NELL1: variants seen among roughly 807,000 people sequenced by gnomAD.
NELL1 encodes protein kinase C-binding protein NELL1.
A neutral mutation model predicts 107.4 loss-of-function variants in NELL1; 76 were observed. The ratio of observed to expected loss-of-function variants is 0.71; its 90% CI spans 0.59 to 0.86. The LOEUF is 0.86. Among genes scored for constraint, NELL1 ranks in the 40% least tolerant of loss-of-function variants. The probability of loss-of-function intolerance (pLI) is 0.00; values close to 1 mark genes in which losing one functional copy is unlikely to be tolerated. For synonymous variants in NELL1, 353 were observed against 341.2 expected (o/e 1.03, Z -0.38); for missense variants, 1,024 against 1,005.5 (o/e 1.02, Z -0.25).
At chr11:20,742,079 A>G (rs929592339) in intron 2 of NELL1, among the ~76,000 whole-genome samples, 5 of 152,330 alleles carry the variant, frequency 3.3e-5, no homozygotes, top group African/African-American at 1.2e-4. Context: ...TGTTATTACT[A>G]GCTGGGGCTT....
At chr11:21,292,909 T>G (rs6483759) in intron 14 of NELL1, among the ~76,000 whole-genome samples, 134,134 of 152,098 alleles carry the variant, frequency 0.88, 59,860 homozygotes, top group Non-Finnish European at 0.95. Flanking sequence ...ACCCCTTCCT[T>G]ACACCTTATA....
intron 2 of NELL1, among the ~76,000 whole-genome samples, chr11:20,755,053 A>G (rs1456129228): frequency 4.6e-5 from 7 of 152,154 alleles, no homozygotes; most frequent in African/African-American, 7.2e-5. Context: ...AGCCACATAC[A>G]TGTACATATC....
chr11:21,559,392 A>C (rs909928017), intron 16 of NELL1, among the ~76,000 whole-genome samples: 4 of 152,104 alleles, frequency 2.6e-5, no homozygotes, highest in African/African-American at 9.7e-5. Flanking sequence ...GGAAGGACTT[A>C]AGCCAGGGTT....
chr11:20,699,682 G>A (rs1167931274), intron 2 of NELL1, among the ~76,000 whole-genome samples: 2 of 152,166 alleles, frequency 1.3e-5, no homozygotes, highest in African/African-American at 2.4e-5. Context: ...TCTACTCATT[G>A]GTAGATGGGC....
intron 14 of NELL1, among the ~76,000 whole-genome samples, chr11:21,236,535 T>A (rs557402174): frequency 3.3e-5 from 5 of 152,294 alleles, no homozygotes; most frequent in African/African-American, 4.8e-5. Context: ...TCAAAGACAT[T>A]GTCTGTTGCA....
chr11:21,410,937 A>T lies in NELL1; in HGVS notation c.1645+39989A>T, dbSNP rs761314776. The stretch of plus-strand genomic sequence containing the variant: ...GAATTTCTTCCCCCACCCCCAACAG[A>T]TGGTTCATATGGTGATATCTTCTGA... On this transcript the variant is annotated intron_variant, in intron 15 of 19. Coordinates refer to ENST00000357134, the MANE Select transcript of NELL1 (RefSeq NM_006157.5). Among the ~76,000 whole-genome samples the T allele has an allele frequency of 2.0e-5, 3 of 152,022 alleles. No individual in the cohort carries two copies. The East Asian group carries it at 5.8e-4, about 29-fold the overall frequency.
At chr11:21,535,201 C>G (rs1856104123) in intron 16 of NELL1, among the ~76,000 whole-genome samples, 1 of 152,056 alleles carries the variant, frequency 6.6e-6, no homozygotes, top group African/African-American at 2.4e-5. Context: ...CCTTCAAGAC[C>G]TTACAACTTT....
intron 15 of NELL1, among the ~76,000 whole-genome samples, chr11:21,458,025 G>C (rs61494052): frequency 6.6e-6 from 1 of 151,584 alleles, no homozygotes; most frequent in African/African-American, 2.4e-5. Context: ...ATCAGGTGAT[G>C]GAGACCAAGG....
At chr11:20,992,959 C>G (rs537889375) in intron 12 of NELL1, among the ~76,000 whole-genome samples, 1 of 151,930 alleles carries the variant, frequency 6.6e-6, no homozygotes, top group East Asian at 1.9e-4. Flanking sequence ...GTGATCCGCC[C>G]GCCTTGGCCT....
chr11:21,517,173 CA>C (rs11309692), intron 15 of NELL1, among the ~76,000 whole-genome samples: 20,544 of 152,058 alleles, frequency 0.14, 1,515 homozygotes, highest in Admixed American at 0.2. Context: ...AAACCTTAGG[CA>C]AATCACCTCT....
At chr11:21,251,870 A>G (rs1388528726) in intron 14 of NELL1, among the ~76,000 whole-genome samples, 1 of 152,120 alleles carries the variant, frequency 6.6e-6, no homozygotes, top group African/African-American at 2.4e-5. Context: ...TATGTTACAT[A>G]CACTAAGATG....
chr11:21,007,001 T>C (rs2134281192), intron 12 of NELL1, among the ~76,000 whole-genome samples: 1 of 152,248 alleles, frequency 6.6e-6, no homozygotes, highest in South Asian at 2.1e-4. Context: ...TGGTGATATA[T>C]TGATATATTT....
chr11:20,943,428 A>G (rs1850898187), intron 10 of NELL1, among the ~76,000 whole-genome samples: 1 of 151,970 alleles, frequency 6.6e-6, no homozygotes, highest in Non-Finnish European at 1.5e-5. Flanking sequence ...ACTAAAATAC[A>G]AAAAATTAGC....
At chr11:21,097,729 G>T (rs781478076) in intron 12 of NELL1, among the ~76,000 whole-genome samples, 8 of 152,140 alleles carry the variant, frequency 5.3e-5, no homozygotes. Flanking sequence ...GAAGTTAACA[G>T]GCTAAATCCT....
chr11:20,915,715 ATATTT>A (rs1454227146), intron 5 of NELL1, among the ~76,000 whole-genome samples: 3 of 58,948 alleles, frequency 5.1e-5, no homozygotes, highest in African/African-American at 2.0e-4. Context: ...ATATATATAT[ATATTT>A]TTTTTTTTTT....
intron 3 of NELL1, among the ~76,000 whole-genome samples, chr11:20,822,450 C>CT (rs373229155): frequency 6.6e-6 from 1 of 151,928 alleles, no homozygotes; most frequent in Non-Finnish European, 1.5e-5. Context: ...ATGCGACAAA[C>CT]TTTTTTTTTC....
intron 5 of NELL1, among the ~76,000 whole-genome samples, chr11:20,895,797 C>T (rs191947729): frequency 6.6e-6 from 1 of 152,022 alleles, no homozygotes; most frequent in Non-Finnish European, 1.5e-5. Context: ...TGAGCCACTG[C>T]GCCTGGCCAG....
intron 12 of NELL1, among the ~76,000 whole-genome samples, chr11:21,095,162 G>A (rs1854611408): frequency 6.6e-6 from 1 of 152,116 alleles, no homozygotes. Flanking sequence ...TAGGGCAGGG[G>A]CAAAATGCTC....
At chr11:20,929,838 G>T (rs1039204231) in intron 9 of NELL1, among the ~76,000 whole-genome samples, 1 of 152,046 alleles carries the variant, frequency 6.6e-6, no homozygotes, top group Admixed American at 6.6e-5. Context: ...TGGGTGTGGT[G>T]GTGGGCACCT....
Sources: allele counts gnomAD v4.1 joint callset (sites outside exome capture counted in the v4.1 genomes callset), GRCh38; gene constraint gnomAD v4.1.1; transcripts MANE v1.5; gene names NCBI Gene and HGNC (gene_info 2026-07-23, HGNC 2026-07-21).